The following USP28 variants were observed in gnomAD, a reference collection of about 807,000 sequenced individuals.
The protein encoded by USP28 is ubiquitin specific peptidase 28.
Under a neutral mutation model 145.0 loss-of-function variants are expected in USP28, and 113 were observed. That is an observed-to-expected ratio of 0.78 (90% confidence interval 0.67 to 0.91). USP28 has a LOEUF of 0.91. Ranked by LOEUF, USP28 falls within the 40% of genes least tolerant of loss-of-function variation. USP28 has a pLI of 0.00. For synonymous variants in USP28, 447 were observed against 450.9 expected, an observed-to-expected ratio of 0.99 and a Z score of 0.11; for missense variants, 1,201 against 1,289.6, an observed-to-expected ratio of 0.93 and a Z score of 1.05.
intron 5 of USP28, among the ~76,000 whole-genome samples, chr11:113,839,558 T>C (rs534161127): frequency 3.2e-4 from 49 of 151,766 alleles, no homozygotes; most frequent in Non-Finnish European, 1.3e-4. Context: ...TTGTCTCAAA[T>C]GAATAACTAA....
intron 1 of USP28, among the ~76,000 whole-genome samples, chr11:113,870,386 G>C (rs1164179143): frequency 6.6e-6 from 1 of 152,042 alleles, no homozygotes; most frequent in Admixed American, 6.5e-5. Context: ...AAACAGCCAA[G>C]TGCGGTGATG....
chr11:113,806,608 CAG>C, intron 18 of USP28, 24 bp from the exon 20 acceptor site: 2 of 1,494,114 alleles, frequency 1.3e-6, no homozygotes, highest in Non-Finnish European at 1.8e-6. Flanking sequence ...GCACAAAACA[CAG>C]AGAGAAAGGA....
At chr11:113,833,510 A>G (rs1944246395) in exon 7 of USP28, 3 of 1,614,124 alleles carry the variant, frequency 1.9e-6, no homozygotes, top group Admixed American at 1.7e-5. Flanking sequence ...CCATCATTAG[A>G]GCAAACAAAT....
intron 16 of USP28, among the ~76,000 whole-genome samples, chr11:113,811,820 T>A (rs1941038272): frequency 6.6e-6 from 1 of 152,136 alleles, no homozygotes; most frequent in South Asian, 2.1e-4. Flanking sequence ...AATTAGTCTA[T>A]CTACGAGTAA....
chr11:113,833,757 A>G (rs923823449), intron 6 of USP28, among the ~76,000 whole-genome samples, 200 bp from the exon 7 acceptor site: 6 of 152,224 alleles, frequency 3.9e-5, no homozygotes, highest in African/African-American at 1.2e-4. Context: ...GAAGCCAGAG[A>G]CAGCACTGTT....
chr11:113,824,019 G>C (rs1212434844), intron 11 of USP28, among the ~76,000 whole-genome samples: 1 of 152,058 alleles, frequency 6.6e-6, no homozygotes, highest in East Asian at 1.9e-4. Context: ...ATGTAAGCAT[G>C]CAGAAAATCT....
intron 1 of USP28, among the ~76,000 whole-genome samples, chr11:113,863,422 G>C (rs1456917168): frequency 1.3e-5 from 2 of 151,920 alleles, no homozygotes; most frequent in Non-Finnish European, 2.9e-5. Flanking sequence ...GAGGCGGGCA[G>C]ATTGCTTGAG....
chr11:113,868,256 G>A (rs1045498830), intron 1 of USP28, among the ~76,000 whole-genome samples: 2 of 152,202 alleles, frequency 1.3e-5, no homozygotes, highest in African/African-American at 4.8e-5. Context: ...GGACTTGCCT[G>A]TTCAACTAAA....
In USP28 at chr11:113,815,156, A is replaced by G. The variant is rs768305276; in HGVS notation, c.1672+18T>C. On this transcript the variant is annotated intron_variant, in intron 14 of 24. Transcript: ENST00000003302. The stretch of plus-strand genomic sequence containing the variant: ...CAGAAAAAGCAAAGAGTAACTGACA[A>G]ATTTTAAAAGAGCCAACCTTGTATA... The G allele has an allele frequency of 1.2e-6, 2 of 1,608,216 alleles. No homozygotes were observed. Among genetic ancestry groups the G allele is most frequent in the Admixed American group, 3.4e-5 (2 of 59,094 alleles).
At chr11:113,836,037 C>T (rs1390532714) in intron 5 of USP28, among the ~76,000 whole-genome samples, 2 of 152,154 alleles carry the variant, frequency 1.3e-5, no homozygotes, top group African/African-American at 4.8e-5. Context: ...GAGATCGCAC[C>T]ATTGCATACC....
chr11:113,828,421 C>G (rs1013208637), intron 10 of USP28, among the ~76,000 whole-genome samples: 1 of 152,144 alleles, frequency 6.6e-6, no homozygotes, highest in African/African-American at 2.4e-5. Context: ...CTTGAAAATC[C>G]AGGGAGGCAG....
At chr11:113,822,488 GAGAGAGA>G (rs1942771521) in intron 12 of USP28, 1 of 149,360 alleles carries the variant, frequency 6.7e-6, no homozygotes, top group Non-Finnish European at 1.5e-5. Context: ...GAGAGAGAGA[GAGAGAGA>G]GAGAGATGGG....
intron 4 of USP28, 61 bp downstream of exon 4, chr11:113,841,602 G>A (rs1213872538): frequency 2.9e-6 from 3 of 1,040,262 alleles, no homozygotes; most frequent in African/African-American, 3.2e-5. Context: ...CATTCACAGA[G>A]CTGTTGCCTT....
intron 1 of USP28, among the ~76,000 whole-genome samples, chr11:113,861,299 A>G (rs572949026): frequency 6.6e-6 from 1 of 152,304 alleles, no homozygotes; most frequent in South Asian, 2.1e-4. Context: ...AGTAGCCATA[A>G]GAATATGGCT....
At chr11:113,874,885 G>A (rs1422534546) in intron 1 of USP28, 1 of 999,246 alleles carries the variant, frequency 1.0e-6, no homozygotes, top group Non-Finnish European at 1.2e-6. Flanking sequence ...AAAATCTAGA[G>A]CGATGAAGGC....
intron 12 of USP28, among the ~76,000 whole-genome samples, chr11:113,819,313 G>A (rs1010147405): frequency 4.0e-5 from 6 of 151,886 alleles, no homozygotes; most frequent in Non-Finnish European, 5.9e-5. Flanking sequence ...GGGTTTTGCT[G>A]TGTCAGCCAA....
intron 3 of USP28, among the ~76,000 whole-genome samples, chr11:113,847,442 A>C (rs1429464800): frequency 1.8e-4 from 3 of 17,126 alleles, no homozygotes; most frequent in Non-Finnish European, 3.4e-4. Flanking sequence ...GCTGCAAGAA[A>C]CGGGACGGGG....
At chr11:113,861,658 C>T (rs1947707028) in intron 1 of USP28, among the ~76,000 whole-genome samples, 2 of 152,172 alleles carry the variant, frequency 1.3e-5, no homozygotes, top group South Asian at 4.1e-4. Flanking sequence ...CGACCTAGTT[C>T]TATTTCCCAG....
chr11:113,801,675 G>T (rs1565315306), exon 24 of USP28: 1 of 1,562,412 alleles, frequency 6.4e-7, no homozygotes, highest in South Asian at 1.2e-5. Flanking sequence ...TTGGCATTCA[G>T]CTCCTACAGA....
Sources: allele counts gnomAD v4.1 joint callset (sites outside exome capture counted in the v4.1 genomes callset), GRCh38; gene constraint gnomAD v4.1.1; transcripts MANE v1.5; gene names NCBI Gene and HGNC (gene_info 2026-07-23, HGNC 2026-07-21).